Variants in PHACTR3 observed in about 807,000 individuals in gnomAD.
PHACTR3 encodes the protein protein phosphatase 1, regulatory subunit 123.
In PHACTR3, 16 loss-of-function variants were observed where a neutral mutation model predicts 66.8. The ratio of observed to expected loss-of-function variants is 0.24; its 90% CI spans 0.16 to 0.36. The LOEUF is 0.36. Among genes scored for constraint, PHACTR3 ranks in the 10% least tolerant of loss-of-function variants. The probability of loss-of-function intolerance (pLI) is 1.00; values close to 1 mark genes in which losing one functional copy is unlikely to be tolerated. For synonymous variants in PHACTR3, 323 were observed against 292.1 expected, an observed-to-expected ratio of 1.11 and a Z score of -1.08; for missense variants, 647 against 719.9, an observed-to-expected ratio of 0.90 and a Z score of 1.16.
At chr20:59,728,308 G>T (rs569212470) in intron 1 of PHACTR3, among the ~76,000 whole-genome samples, 1 of 152,200 alleles carries the variant, frequency 6.6e-6, no homozygotes, top group East Asian at 1.9e-4. Flanking sequence ...TGGTAAGAGC[G>T]TAACATGGTG....
At chr20:59,673,564 C>T (rs1227505278) in intron 1 of PHACTR3, among the ~76,000 whole-genome samples, 2 of 152,100 alleles carry the variant, frequency 1.3e-5, no homozygotes, top group Non-Finnish European at 1.5e-5. Flanking sequence ...TGGGAGCTGG[C>T]CTGGCAGCAC....
intron 9 of PHACTR3, among the ~76,000 whole-genome samples, chr20:59,837,329 T>C (rs1475002787): frequency 6.6e-6 from 1 of 152,264 alleles, no homozygotes; most frequent in African/African-American, 2.4e-5. Context: ...AGACTTTCTC[T>C]GAGTTTGTTT....
chr20:59,586,970 C>T lies in PHACTR3; in HGVS notation c.109+9353C>T, dbSNP rs149608648. On this transcript the variant is annotated intron_variant, in intron 1 of 12. Coordinates refer to the PHACTR3 transcript ENST00000359926. ...ATGAACCTGGATTTATATTATATCC[C>T]ATTGGTTCTGGAAAGTGTCTGACAG... 2.0e-5 allele frequency among the ~76,000 whole-genome samples: 3 copies of T among 152,342 alleles called. No individual in the cohort carries two copies. The East Asian group carries it at 5.8e-4, about 29-fold the overall frequency.
intron 4 of PHACTR3, among the ~76,000 whole-genome samples, chr20:59,759,829 C>T (rs972836557): frequency 6.6e-6 from 1 of 152,192 alleles, no homozygotes; most frequent in African/African-American, 2.4e-5. Context: ...TAATGGCAGA[C>T]AAAGCCAGAT....
intron 7 of PHACTR3, 50 bp from the exon 8 acceptor site, chr20:59,805,991 C>T (rs780597366): frequency 2.2e-5 from 34 of 1,577,642 alleles, no homozygotes; most frequent in Non-Finnish European, 2.9e-5. Flanking sequence ...TCCGCTAAGA[C>T]CTGTCTCCTT....
At chr20:59,780,043 G>T (rs1361015674) in intron 7 of PHACTR3, among the ~76,000 whole-genome samples, 1 of 152,196 alleles carries the variant, frequency 6.6e-6, no homozygotes, top group Non-Finnish European at 1.5e-5. Context: ...CAGTGTCCCA[G>T]CTCTGGGCGC....
At chr20:59,762,230 G>A (rs2146848391) in intron 4 of PHACTR3, among the ~76,000 whole-genome samples, 1 of 152,328 alleles carries the variant, frequency 6.6e-6, no homozygotes, top group Middle Eastern at 3.4e-3. Context: ...CTGGTGTGGT[G>A]AGTCTCATGG....
In PHACTR3 at chr20:59,607,202, T is replaced by C. The variant is rs145477911; in HGVS notation, c.118+2070T>C. Among the ~76,000 whole-genome samples the C allele has an allele frequency of 6.0e-3, 918 of 152,308 alleles. 4 individuals are homozygous for C. The highest frequency in any genetic ancestry group is 0.011 in the Non-Finnish European group (725 of 68,028). On this transcript the variant is annotated intron_variant, in intron 1 of 12. Transcript: ENST00000371015. The stretch of plus-strand genomic sequence containing the variant: ...GGCAGATCTGTTTAAGAATTCTTTT[T>C]CCAATGGTTCCAAAGGGTCTGGTAC...
chr20:59,618,403 G>A (rs1213297838), intron 1 of PHACTR3, among the ~76,000 whole-genome samples: 1 of 152,154 alleles, frequency 6.6e-6, no homozygotes, highest in African/African-American at 2.4e-5. Flanking sequence ...CGTCACTCTG[G>A]CTGGCCACCC....
chr20:59,632,353 A>G (rs1454841307), intron 1 of PHACTR3, among the ~76,000 whole-genome samples: 1 of 152,120 alleles, frequency 6.6e-6, no homozygotes, highest in Non-Finnish European at 1.5e-5. Flanking sequence ...GCCCCTGGTA[A>G]TTGGTTCTCA....
chr20:59,808,538 C>G (rs2041637221), intron 8 of PHACTR3, among the ~76,000 whole-genome samples: 1 of 152,180 alleles, frequency 6.6e-6, no homozygotes. Context: ...TCCGCTCCTT[C>G]CCTCTTTAAA....
intron 1 of PHACTR3, among the ~76,000 whole-genome samples, chr20:59,699,646 A>G (rs969361799): frequency 1.3e-5 from 2 of 152,166 alleles, no homozygotes; most frequent in South Asian, 2.1e-4. Context: ...TACTCTTATC[A>G]TCATCATCAC....
At chr20:59,710,751 C>T (rs533912337) in intron 1 of PHACTR3, among the ~76,000 whole-genome samples, 1 of 123,854 alleles carries the variant, frequency 8.1e-6, no homozygotes, top group Admixed American at 8.3e-5. Flanking sequence ...TTCTTCCTCA[C>T]CTCTCTTACC....
chr20:59,598,381 CACTT>C (rs2033384600), intron 1 of PHACTR3, among the ~76,000 whole-genome samples: 1 of 152,208 alleles, frequency 6.6e-6, no homozygotes, highest in Non-Finnish European at 1.5e-5. Context: ...ATCTTCTTCT[CACTT>C]ACACACGGAG....
intron 1 of PHACTR3, among the ~76,000 whole-genome samples, chr20:59,686,722 GTTA>G (rs879904301): frequency 0.036 from 4,198 of 118,192 alleles, 127 homozygotes; most frequent in Middle Eastern, 0.067. Context: ...GATGGTGGTG[GTTA>G]TGATGATGGT....
At chr20:59,686,556 GGTGA>G in intron 1 of PHACTR3, among the ~76,000 whole-genome samples, 1 of 151,858 alleles carries the variant, frequency 6.6e-6, no homozygotes, top group African/African-American at 2.4e-5. Context: ...TGATGATGAT[GGTGA>G]TGATGATGGT....
intron 1 of PHACTR3, among the ~76,000 whole-genome samples, chr20:59,643,163 G>A (rs912893636): frequency 5.3e-5 from 8 of 152,080 alleles, no homozygotes; most frequent in Non-Finnish European, 8.8e-5. Context: ...CGCCCGCCTC[G>A]GCCTCCCAAA....
At chr20:59,673,582 T>C (rs1364269176) in intron 1 of PHACTR3, among the ~76,000 whole-genome samples, 2 of 152,008 alleles carry the variant, frequency 1.3e-5, no homozygotes, top group East Asian at 3.9e-4. Context: ...CACCTGGGGC[T>C]CCCAAACACA....
Position 59,755,193 on chromosome 20 carries a change from A to G in PHACTR3, c.370A>G (p.Lys124Glu). The G allele has an allele frequency of 2.5e-6, 4 of 1,612,564 alleles. No individual in the cohort carries two copies. The highest frequency in any genetic ancestry group is 3.4e-6 in the Non-Finnish European group (4 of 1,179,824). The change falls in exon 4 of 13, where the codon AAA becomes GAA. Residue 124 changes from lysine (K) to glutamate (E), a missense_variant. Coordinates refer to ENST00000371015, the MANE Select transcript of PHACTR3 (RefSeq NM_080672.5). ...ACATTTCCTTGTAGATGCTGAAAGC[A>G]AAACTTGCAACCCCGATGGAGGACC... ...LEMMEQDAES[K>E]TCNPDGGPRS...
Sources: gnomAD v4.1 joint callset for allele counts (sites outside exome capture counted in the v4.1 genomes callset) on GRCh38, gnomAD v4.1.1 for gene constraint, MANE v1.5 for transcripts, NCBI Gene and HGNC (gene_info 2026-07-23, HGNC 2026-07-21) for gene names.